CYP19A1: variants seen among roughly 807,000 people sequenced by gnomAD.
CYP19A1 encodes the protein cytochrome P450 family 19 subfamily A member 1.
A neutral mutation model predicts 44.4 loss-of-function variants in CYP19A1; 32 were observed. That is an observed-to-expected ratio of 0.72 (90% CI 0.54 to 0.97). CYP19A1 has a LOEUF of 0.97. Ranked by LOEUF, CYP19A1 falls within the 50% of genes least tolerant of loss-of-function variation. CYP19A1 has a pLI of 0.00. For synonymous variants in CYP19A1, 212 were observed against 215.6 expected (o/e 0.98, Z 0.14); for missense variants, 598 against 637.8 (o/e 0.94, Z 0.67).
chr15:51,245,825 A>G (rs1255161204), intron 1 of CYP19A1, among the ~76,000 whole-genome samples: 1 of 152,234 alleles, frequency 6.6e-6, no homozygotes, highest in African/African-American at 2.4e-5. Context: ...CATTTTACAG[A>G]TGGAGAAACT....
At position 51,215,062 on chromosome 15, in the gene CYP19A1, AT is replaced by A. The variant is rs1289170097; in HGVS notation, c.1021+7del. Reference sequence around the variant, plus strand: ...TTAAGATGTATTATTTATTTGATAAATTCTTACCAATAACAGTCTGGATTTC... The same window carrying A: ...TTAAGATGTATTATTTATTTGATAAATCTTACCAATAACAGTCTGGATTTC... On this transcript the variant is annotated splice_region_variant and intron_variant, in intron 8 of 9. Coordinates refer to ENST00000396402, the MANE Select transcript of CYP19A1 (RefSeq NM_000103.4). 6.2e-7 allele frequency: 1 copy of A among 1,611,244 alleles called. No individual in the cohort carries two copies. Among genetic ancestry groups the A allele is most frequent in the Non-Finnish European group, 8.5e-7 (1 of 1,178,332 alleles).
At chr15:51,330,287 G>C (rs563769705) in intron 1 of CYP19A1, among the ~76,000 whole-genome samples, 86 of 152,268 alleles carry the variant, frequency 5.6e-4, no homozygotes, top group African/African-American at 1.9e-3. Flanking sequence ...ACTTGGAGAA[G>C]TGGCACAGCG....
At chr15:51,222,215 C>T (rs751759414) in intron 5 of CYP19A1, 134 bp downstream of exon 5, 66 of 1,492,282 alleles carry the variant, frequency 4.4e-5, no homozygotes, top group African/African-American at 7.0e-5. Context: ...GGGAAAAAAA[C>T]GAGGAGTACT....
At chr15:51,320,893 A>G (rs186803260) in intron 1 of CYP19A1, 2 of 152,382 alleles carry the variant, frequency 1.3e-5, no homozygotes, top group Admixed American at 1.3e-4. Context: ...ATGATTGAGA[A>G]TTGTACATTC....
chr15:51,273,531 G>A (rs935137565), intron 1 of CYP19A1, among the ~76,000 whole-genome samples: 1 of 152,000 alleles, frequency 6.6e-6, no homozygotes, highest in Non-Finnish European at 1.5e-5. Context: ...CTTAGGAATA[G>A]CAACTATTAT....
intron 1 of CYP19A1, among the ~76,000 whole-genome samples, chr15:51,258,996 T>C (rs927674647): frequency 2.0e-5 from 3 of 152,116 alleles, no homozygotes; most frequent in Admixed American, 1.3e-4. Flanking sequence ...CCCCCATCCC[T>C]CCACCATCAT....
chr15:51,307,076 C>A (rs531468386), intron 1 of CYP19A1, among the ~76,000 whole-genome samples: 2 of 152,180 alleles, frequency 1.3e-5, no homozygotes, highest in African/African-American at 4.8e-5. Context: ...AAGTTTTGAT[C>A]GCTGAGTCTA....
chr15:51,212,270 A>T (rs1788929499), intron 9 of CYP19A1, 50 bp downstream of exon 9: 2 of 1,289,852 alleles, frequency 1.6e-6, no homozygotes, highest in Non-Finnish European at 2.3e-6. Flanking sequence ...AGGATTTAAC[A>T]GTTGACATTT....
intron 1 of CYP19A1, among the ~76,000 whole-genome samples, chr15:51,290,555 A>T (rs1948883535): frequency 6.6e-6 from 1 of 152,178 alleles, no homozygotes; most frequent in African/African-American, 2.4e-5. Context: ...TGGCCAGGTG[A>T]TATAGGGAGC....
At chr15:51,275,590 G>C (rs2035279213) in intron 1 of CYP19A1, among the ~76,000 whole-genome samples, 1 of 152,188 alleles carries the variant, frequency 6.6e-6, no homozygotes, top group Admixed American at 6.5e-5. Context: ...GGGACACGGA[G>C]ACTTCTGGAC....
At chr15:51,216,836 C>G (rs1341304727) in intron 6 of CYP19A1, among the ~76,000 whole-genome samples, 1 of 152,058 alleles carries the variant, frequency 6.6e-6, no homozygotes, top group Non-Finnish European at 1.5e-5. Context: ...GTCTCTGGGC[C>G]CTACATCCTT....
intron 5 of CYP19A1, 144 bp downstream of exon 5, chr15:51,222,205 G>T: frequency 6.9e-7 from 1 of 1,457,556 alleles, no homozygotes; most frequent in East Asian, 2.5e-5. Context: ...AGAAACACTA[G>T]GGAAAAAAAC....
rs181854321 is a variant in CYP19A1 at position 51,239,379 on chromosome 15, C to A, written c.146-2370G>T. On this transcript the variant is annotated intron_variant, in intron 2 of 9. Transcript: ENST00000396402. ...CAGCCCTGTTCACAATAGCCCCAAA[C>A]TAAAGACACCTCAAGTGTCCCTCAA... is the stretch of plus-strand genomic sequence containing the variant. Among the ~76,000 whole-genome samples the A allele has an allele frequency of 6.6e-5, 10 of 152,282 alleles. No homozygotes were observed. The East Asian group carries it at 1.9e-3, about 29-fold the overall frequency.
chr15:51,235,081 C>T (rs1391770794), intron 3 of CYP19A1, among the ~76,000 whole-genome samples: 1 of 152,184 alleles, frequency 6.6e-6, no homozygotes, highest in East Asian at 1.9e-4. Context: ...CAAACCCAAA[C>T]ACCAGTGCTT....
intron 5 of CYP19A1, chr15:51,221,849 C>T (rs755347663): frequency 1.0e-4 from 17 of 168,940 alleles, no homozygotes; most frequent in Non-Finnish European, 2.1e-4. Flanking sequence ...CAGCTAATAT[C>T]GTCATTTCCA....
At chr15:51,323,094 C>G (rs1439024889) in intron 1 of CYP19A1, among the ~76,000 whole-genome samples, 1 of 152,216 alleles carries the variant, frequency 6.6e-6, no homozygotes, top group African/African-American at 2.4e-5. Flanking sequence ...TGACCTACTG[C>G]CTTCTTCCTG....
chr15:51,208,095 A>G lies in CYP19A1; in HGVS notation c.*2713T>C, dbSNP rs1463387893. 1 of 152,178 alleles carries G rather than the reference A, an allele frequency of 6.6e-6. No individual in the cohort carries two copies. Among genetic ancestry groups the G allele is most frequent in the East Asian group, 1.9e-4 (1 of 5,204 alleles). The allele number at this position is 152,178 out of a possible 1,614,324, so 9.4% of individuals were successfully genotyped here. On this transcript the variant is annotated 3_prime_UTR_variant, in exon 10 of 10. Coordinates refer to ENST00000396402, the MANE Select transcript of CYP19A1 (RefSeq NM_000103.4). ...TTTAATTAGTATGTCTTTCTGCAAG[A>G]ATAGGTGAGAGATTCAGTCCCAGAG...
At chr15:51,274,430 T>C (rs2035233135) in intron 1 of CYP19A1, among the ~76,000 whole-genome samples, 1 of 152,204 alleles carries the variant, frequency 6.6e-6, no homozygotes, top group South Asian at 2.1e-4. Context: ...CTCTTATGCC[T>C]CTTGGGAGCG....
At position 51,211,192 on chromosome 15, in the gene CYP19A1, A is replaced by T. The variant is rs1291693770; in HGVS notation, c.1264-136T>A. 5.7e-6 allele frequency: 4 copies of T among 699,176 alleles called. No individual in the cohort carries two copies. In the African/African-American group the frequency reaches 7.0e-5, roughly 12 times the overall value. The allele number at this position is 699,176 out of a possible 1,614,324, so 43.3% of individuals were successfully genotyped here. A position where few individuals can be genotyped will look rare whatever the true frequency, so the allele number is the denominator to read the frequency against. ...CAGCTACAATGCCCTCCATCCCCTC[A>T]GATGAACAACTGGAACTCAAGCCCT... On this transcript the variant is annotated intron_variant, in intron 9 of 9. Transcript: ENST00000396402.
Sources: allele counts gnomAD v4.1 joint callset (sites outside exome capture counted in the v4.1 genomes callset), GRCh38; gene constraint gnomAD v4.1.1; transcripts MANE v1.5; gene names NCBI Gene and HGNC (gene_info 2026-07-23, HGNC 2026-07-21).